The following SGCD variants were observed in gnomAD, a reference collection of about 807,000 sequenced individuals.
The protein encoded by SGCD is delta-sarcoglycan.
SGCD carries 18 observed loss-of-function variants against 36.6 expected under a neutral mutation model. The observed-to-expected ratio is 0.49, with a 90% CI of 0.34 to 0.73. SGCD has a LOEUF of 0.73. Ranked by LOEUF, SGCD falls within the 30% of genes least tolerant of loss-of-function variation. The probability of loss-of-function intolerance (pLI) is 0.01; values close to 1 mark genes in which losing one functional copy is unlikely to be tolerated. For synonymous variants in SGCD, 133 were observed against 130.6 expected (o/e 1.02, Z -0.12); for missense variants, 387 against 346.7 (o/e 1.12, Z -0.92).
intron 1 of SGCD, among the ~76,000 whole-genome samples, chr5:155,945,326 T>G (rs1581005316): frequency 6.6e-6 from 1 of 152,198 alleles, no homozygotes; most frequent in African/African-American, 2.4e-5. Flanking sequence ...GAGAGAACTT[T>G]TAGTCATTCA....
chr5:156,680,027 T>A (rs1753663543), intron 7 of SGCD, among the ~76,000 whole-genome samples: 1 of 152,218 alleles, frequency 6.6e-6, no homozygotes, highest in Non-Finnish European at 1.5e-5. Context: ...CAAAGTGTAA[T>A]TAGGATTAGT....
chr5:156,612,555 G>A (rs1761864166), intron 6 of SGCD, among the ~76,000 whole-genome samples: 1 of 152,276 alleles, frequency 6.6e-6, no homozygotes, highest in African/African-American at 2.4e-5. Flanking sequence ...AAGTCAGCCA[G>A]CTGTGTGTCA....
chr5:155,840,277 T>G, the SGCD span, among the ~76,000 whole-genome samples: 1 of 151,122 alleles, frequency 6.6e-6, no homozygotes, highest in African/African-American at 2.4e-5. Context: ...GGAGTCTTGC[T>G]CTGTCTCCCA....
At chr5:156,026,799 A>T (rs1234765651) in intron 1 of SGCD, among the ~76,000 whole-genome samples, 1 of 152,126 alleles carries the variant, frequency 6.6e-6, no homozygotes, top group Admixed American at 6.5e-5. Context: ...GAAAAATCTG[A>T]CTGATGGCTT....
At chr5:156,371,265 TA>T (rs1483847172) in intron 3 of SGCD, among the ~76,000 whole-genome samples, 1 of 152,208 alleles carries the variant, frequency 6.6e-6, no homozygotes, top group Non-Finnish European at 1.5e-5. Context: ...TTTATTATTT[TA>T]ATCCACTCTG....
chr5:155,841,595 T>G, the SGCD span, among the ~76,000 whole-genome samples: 2 of 152,226 alleles, frequency 1.3e-5, no homozygotes, highest in African/African-American at 2.4e-5. Flanking sequence ...TTCTCTACTT[T>G]ATAAACTCTT....
At chr5:156,444,544 C>T (rs906211139) in intron 3 of SGCD, among the ~76,000 whole-genome samples, 1 of 151,968 alleles carries the variant, frequency 6.6e-6, no homozygotes, top group Non-Finnish European at 1.5e-5. Context: ...AGATGATTTA[C>T]CTGAAAAGGT....
At chr5:156,637,503 G>T (rs930471742) in intron 6 of SGCD, among the ~76,000 whole-genome samples, 3 of 152,028 alleles carry the variant, frequency 2.0e-5, no homozygotes, top group African/African-American at 7.2e-5. Context: ...TAAAAACACT[G>T]AAACTAGCCA....
intron 3 of SGCD, among the ~76,000 whole-genome samples, chr5:156,482,813 GT>G (rs3074979): frequency 1.8e-3 from 146 of 83,378 alleles, no homozygotes; most frequent in South Asian, 6.8e-3. Context: ...CTTTTGGTCA[GT>G]TTTTTTTTTT....
chr5:155,960,417 T>C (rs1262767080), intron 1 of SGCD, among the ~76,000 whole-genome samples: 1 of 152,048 alleles, frequency 6.6e-6, no homozygotes, highest in Non-Finnish European at 1.5e-5. Flanking sequence ...CAGGCCAGTC[T>C]TCTGTTTGAG....
At chr5:156,601,094 G>A (rs1188333008) in intron 6 of SGCD, among the ~76,000 whole-genome samples, 1 of 152,040 alleles carries the variant, frequency 6.6e-6, no homozygotes, top group Non-Finnish European at 1.5e-5. Flanking sequence ...CCATGTAGTT[G>A]GTTGTCTCTT....
intron 3 of SGCD, among the ~76,000 whole-genome samples, chr5:156,396,679 G>C (rs74383108): frequency 9.4e-4 from 143 of 152,226 alleles, no homozygotes; most frequent in African/African-American, 3.3e-3. Flanking sequence ...CAAGAGGCAG[G>C]CATGTGTGGG....
chr5:156,698,896 G>T (rs1754424701), intron 7 of SGCD, among the ~76,000 whole-genome samples: 1 of 147,994 alleles, frequency 6.8e-6, no homozygotes, highest in African/African-American at 2.5e-5. Context: ...TTAGTATGTT[G>T]CCTGGAACAT....
the SGCD span, among the ~76,000 whole-genome samples, chr5:155,745,801 T>C: frequency 6.6e-6 from 1 of 152,190 alleles, no homozygotes; most frequent in Non-Finnish European, 1.5e-5. Flanking sequence ...TTAGATATCT[T>C]TTATACTCAC....
chr5:155,876,970 C>T (rs1755780070), intron 1 of SGCD, among the ~76,000 whole-genome samples: 1 of 152,122 alleles, frequency 6.6e-6, no homozygotes, highest in Non-Finnish European at 1.5e-5. Context: ...TTTATGCCCA[C>T]TATATCCTCA....
chr5:156,060,280 GC>G (rs374172685), intron 1 of SGCD, among the ~76,000 whole-genome samples: 1 of 146,266 alleles, frequency 6.8e-6, no homozygotes, highest in Non-Finnish European at 1.5e-5. Context: ...AAGAAGTGTG[GC>G]TTTGAATTAT....
the SGCD span, among the ~76,000 whole-genome samples, chr5:155,771,053 T>C: frequency 6.6e-6 from 1 of 151,808 alleles, no homozygotes. Context: ...TCCTGTCATC[T>C]GAACCAAAAG....
chr5:156,648,263 G>A (rs1393136181), intron 7 of SGCD, among the ~76,000 whole-genome samples: 14 of 23,272 alleles, frequency 6.0e-4, no homozygotes, highest in African/African-American at 5.3e-3. Flanking sequence ...GTGAATACTG[G>A]CTTTTTTTTT....
chr5:156,119,045 T>C (rs1459071475), intron 2 of SGCD, among the ~76,000 whole-genome samples: 6 of 152,160 alleles, frequency 3.9e-5, no homozygotes, highest in African/African-American at 1.4e-4. Context: ...CTGTGGTGAC[T>C]TGGTGCTGGG....
Sources: gnomAD v4.1 joint callset for allele counts (sites outside exome capture counted in the v4.1 genomes callset) on GRCh38, gnomAD v4.1.1 for gene constraint, MANE v1.5 for transcripts, NCBI Gene and HGNC (gene_info 2026-07-23, HGNC 2026-07-21) for gene names.